Variants in LPA observed in about 807,000 individuals in gnomAD.
LPA encodes lipoprotein(a).
LPA carries 199 observed loss-of-function variants against 197.9 expected under a neutral mutation model. The ratio of observed to expected loss-of-function variants is 1.01; its 90% confidence interval spans 0.90 to 1.13. The LOEUF (loss-of-function observed/expected upper bound fraction) is 1.13. LPA is among the 50% of genes most tolerant of loss of function. The pLI is 0.00. For missense variants in LPA, 1,853 were observed against 1,785.8 expected (o/e 1.04, Z -0.68); for synonymous variants, 715 against 639.5 (o/e 1.12, Z -1.78).
chr6:160,648,092 T>C (rs1779934908), intron 2 of LPA, among the ~76,000 whole-genome samples: 1 of 152,194 alleles, frequency 6.6e-6, no homozygotes, highest in Admixed American at 6.5e-5. Flanking sequence ...TTCAAGGCAT[T>C]TTATTGCTGG....
intron 29 of LPA, among the ~76,000 whole-genome samples, chr6:160,556,769 C>A (rs1778271986): frequency 6.6e-6 from 1 of 152,098 alleles, no homozygotes; most frequent in Admixed American, 6.5e-5. Context: ...TGCAACAAAG[C>A]AGAAGTCTAC....
rs3798221 is a variant in LPA, at chr6:160,577,116, G to T, written c.4631+20C>A. Reference sequence around the variant, plus strand: ...TTGAGTTGGCTGTTGCTCCTCTTATGGTTTTAATCAAATACATACGCATTT... The same window carrying T: ...TTGAGTTGGCTGTTGCTCCTCTTATTGTTTTAATCAAATACATACGCATTT... On this transcript the variant is annotated intron_variant, in intron 28 of 38. Transcript: ENST00000316300. The T allele has an allele frequency of 0.2, 326,093 of 1,610,376 alleles. 35,680 individuals carry two copies. The highest frequency in any genetic ancestry group is 0.42 in the East Asian group (19,013 of 44,770).
intron 28 of LPA, among the ~76,000 whole-genome samples, chr6:160,572,976 G>T (rs1184525731): frequency 6.6e-6 from 1 of 152,160 alleles, no homozygotes; most frequent in Non-Finnish European, 1.5e-5. Flanking sequence ...GCATGTCTAG[G>T]TGTCCAGCAA....
intron 37 of LPA, among the ~76,000 whole-genome samples, chr6:160,535,279 ATG>A (rs1777871930): frequency 5.8e-5 from 1 of 17,340 alleles, no homozygotes; most frequent in Non-Finnish European, 1.2e-4. Flanking sequence ...GATGGTGGTG[ATG>A]GTGATAGTGA....
Position 160,634,838 on chromosome 6 carries a change from T to C in LPA, c.1075+285A>G, listed in dbSNP as rs532085174. Among the ~76,000 whole-genome samples, 71 of 150,310 alleles carry C rather than the reference T, an allele frequency of 4.7e-4. 11 individuals carry two copies. The highest frequency in any genetic ancestry group is 1.8e-3 in the African/African-American group (71 of 39,640). On this transcript the variant is annotated intron_variant, in intron 7 of 38. Transcript: ENST00000316300. ...ACCTGACAGCACGTTACAATAAAAA[T>C]TTTGGCTAAGACACTGAGATAGCCC... is the stretch of plus-strand genomic sequence containing the variant.
chr6:160,535,640 G>A (rs1189881251), intron 37 of LPA, among the ~76,000 whole-genome samples: 2 of 152,182 alleles, frequency 1.3e-5, no homozygotes, highest in African/African-American at 4.8e-5. Context: ...TGGTGGAATG[G>A]TGGTGATGGT....
intron 37 of LPA, among the ~76,000 whole-genome samples, chr6:160,535,984 T>G (rs1419460224): frequency 6.6e-6 from 1 of 152,184 alleles, no homozygotes; most frequent in African/African-American, 2.4e-5. Context: ...TATCTAACTT[T>G]TGCCCCTTAT....
intron 20 of LPA, among the ~76,000 whole-genome samples, chr6:160,596,701 TAA>T (rs1223587278): frequency 6.6e-6 from 1 of 152,202 alleles, no homozygotes; most frequent in Non-Finnish European, 1.5e-5. Flanking sequence ...CAAAGTCCTT[TAA>T]CCTCATGGAC....
intron 28 of LPA, among the ~76,000 whole-genome samples, chr6:160,568,160 A>G (rs2115021655): frequency 6.6e-6 from 1 of 152,336 alleles, no homozygotes; most frequent in South Asian, 2.1e-4. Context: ...TCATCCTGAT[A>G]CCAAATCCTG....
In LPA at chr6:160,651,689, A is replaced by G. The variant is rs1270224437; in HGVS notation, c.50-1192T>C. ...AAGATAAGTCACTGTTAAATAATAA[A>G]GCAATCAAGACAGACAGACTCAGAA... is the stretch of plus-strand genomic sequence containing the variant. On this transcript the variant is annotated intron_variant, in intron 1 of 38. Coordinates refer to ENST00000316300, the MANE Select transcript of LPA (RefSeq NM_005577.4). 2.6e-5 allele frequency among the ~76,000 whole-genome samples: 4 copies of G among 152,338 alleles called. No homozygotes were observed. The East Asian group carries it at 5.8e-4, about 22-fold the overall frequency.
In LPA at chr6:160,541,077, G is replaced by A. The variant is rs750911873; in HGVS notation, c.5594+30C>T. 2.5e-6 allele frequency: 4 copies of A among 1,594,330 alleles called. No individual in the cohort carries two copies. In the South Asian group the frequency reaches 4.4e-5, roughly 18 times the overall value. On this transcript the variant is annotated intron_variant, in intron 35 of 38. Coordinates refer to ENST00000316300, the MANE Select transcript of LPA (RefSeq NM_005577.4). Reference sequence around the variant, plus strand: ...GGGAGGAAAAAAGTCTTGAAGATAAGACCCCATGTCAGTTTTCCCTTAAAC... The same window carrying A: ...GGGAGGAAAAAAGTCTTGAAGATAAAACCCCATGTCAGTTTTCCCTTAAAC...
At chr6:160,541,005 G>A (rs2114998435) in intron 35 of LPA, 102 bp downstream of exon 35, 1 of 951,106 alleles carries the variant, frequency 1.1e-6, no homozygotes, top group African/African-American at 1.6e-5. Context: ...GAGAGGTGGG[G>A]AGGAAGGAAG....
intron 28 of LPA, among the ~76,000 whole-genome samples, chr6:160,565,691 G>C (rs1562323697): frequency 6.6e-6 from 1 of 152,162 alleles, no homozygotes; most frequent in African/African-American, 2.4e-5. Flanking sequence ...GATGAGTTGA[G>C]AGAAGAAGGC....
chr6:160,609,332 C>A (rs772210037), intron 16 of LPA, among the ~76,000 whole-genome samples: 1 of 152,068 alleles, frequency 6.6e-6, no homozygotes, highest in African/African-American at 2.4e-5. Flanking sequence ...TCTTGTTCCT[C>A]ATTATCATTT....
At chr6:160,582,024 A>T (rs1400994852) in intron 26 of LPA, among the ~76,000 whole-genome samples, 1 of 152,120 alleles carries the variant, frequency 6.6e-6, no homozygotes, top group African/African-American at 2.4e-5. Context: ...ATTCTTTCAC[A>T]TCTTTTATTA....
intron 30 of LPA, among the ~76,000 whole-genome samples, chr6:160,552,473 A>G (rs73784283): frequency 0.016 from 2,497 of 152,320 alleles, 71 homozygotes; most frequent in African/African-American, 0.057. Flanking sequence ...ATTTATCACT[A>G]AATATTTTTT....
At chr6:160,532,389 T>C in intron 38 of LPA, 142 bp downstream of exon 38, 1 of 748,440 alleles carries the variant, frequency 1.3e-6, no homozygotes, top group South Asian at 1.4e-5. Context: ...CAGGGACAGA[T>C]CTGGGGAGTT....
At position 160,599,498 on chromosome 6, in the gene LPA, A is replaced by G. The variant is rs1304406440; in HGVS notation, c.3287+2T>C. The G allele has an allele frequency of 3.1e-6, 5 of 1,613,498 alleles. No homozygotes were observed. Among genetic ancestry groups the G allele is most frequent in the Non-Finnish European group, 3.4e-6 (4 of 1,179,882 alleles). Reference sequence around the variant, plus strand: ...CGCTTATGGTAAAGAACAAAGACGTACGCATTTGGGTAGTTTTCTGGGGTC... The same window carrying G: ...CGCTTATGGTAAAGAACAAAGACGTGCGCATTTGGGTAGTTTTCTGGGGTC... On this transcript the variant is annotated splice_donor_variant, in intron 20 of 38. Transcript: ENST00000316300. LOFTEE classifies it high-confidence loss of function.
rs757112211 is a variant in LPA, at chr6:160,611,562, G to C, written c.2603C>G (p.Ala868Gly). The C allele has an allele frequency of 9.3e-6, 15 of 1,606,356 alleles. No homozygotes were observed. The highest frequency in any genetic ancestry group is 2.0e-4 in the Middle Eastern group (1 of 5,098). The change falls in exon 16 of 39, where the codon GCT (alanine) becomes GGT (glycine). Residue 868 changes from alanine to glycine, a missense_variant and splice_region_variant. Around this residue, in one of 3 missense-constraint regions of LPA, gnomAD observed 1,737 missense variants for 1,504.4 expected, o/e 1.15. Coordinates refer to ENST00000316300, the MANE Select transcript of LPA (RefSeq NM_005577.4). Reference sequence around the variant, plus strand: ...CTTATGGTAAAGAACAAAGACATACGCATTTGGGTAGTATTCTGGGGTCCG... The same window carrying C: ...CTTATGGTAAAGAACAAAGACATACCCATTTGGGTAGTATTCTGGGGTCCG... Reference protein sequence around the residue: ...HSRTPEYYPNAGLIMNYCRNP... With the variant: ...HSRTPEYYPNGGLIMNYCRNP...
Sources: allele counts gnomAD v4.1 joint callset (sites outside exome capture counted in the v4.1 genomes callset), GRCh38; gene constraint gnomAD v4.1.1; regional missense constraint gnomAD v4.1.1; transcripts MANE v1.5; gene names NCBI Gene and HGNC (gene_info 2026-07-23, HGNC 2026-07-21).